The following SRPK2 variants were observed in gnomAD, a reference collection of about 807,000 sequenced individuals.
SRPK2 encodes SRSF protein kinase 2.
In SRPK2, 21 loss-of-function variants were observed where a neutral mutation model predicts 90.8. The ratio of observed to expected loss-of-function variants is 0.23; its 90% confidence interval spans 0.16 to 0.33. The LOEUF is 0.33. Among genes scored for constraint, SRPK2 ranks in the 10% least tolerant of loss-of-function variants. The pLI is 1.00. For synonymous variants in SRPK2, 288 were observed against 311.1 expected, an observed-to-expected ratio of 0.93 and a Z score of 0.78; for missense variants, 620 against 869.0, an observed-to-expected ratio of 0.71 and a Z score of 3.60.
chr7:105,315,506 C>T (rs1321790386), intron 2 of SRPK2, among the ~76,000 whole-genome samples: 4 of 152,144 alleles, frequency 2.6e-5, no homozygotes, highest in Non-Finnish European at 5.9e-5. Flanking sequence ...TGCACACTAA[C>T]GCTGTGTATT....
At chr7:105,316,085 C>A (rs149391243) in intron 2 of SRPK2, among the ~76,000 whole-genome samples, 1 of 144,186 alleles carries the variant, frequency 6.9e-6, no homozygotes, top group Non-Finnish European at 1.5e-5. Flanking sequence ...AGTGCAATGG[C>A]GCGATCTCGG....
intron 12 of SRPK2, 37 bp downstream of exon 12, chr7:105,132,967 T>A (rs749648789): frequency 6.2e-7 from 1 of 1,613,572 alleles, no homozygotes; most frequent in South Asian, 1.1e-5. Flanking sequence ...GCACACAGAA[T>A]CAAGACCAAA....
At chr7:105,385,497 G>C (rs1329550095) in intron 2 of SRPK2, among the ~76,000 whole-genome samples, 1 of 152,050 alleles carries the variant, frequency 6.6e-6, no homozygotes, top group Non-Finnish European at 1.5e-5. Flanking sequence ...TTTTAAACAG[G>C]AATCAGAACC....
intron 2 of SRPK2, among the ~76,000 whole-genome samples, chr7:105,385,198 T>TG (rs1554531343): frequency 0.3 from 23,954 of 79,254 alleles, 6,558 homozygotes; most frequent in Non-Finnish European, 0.47. Context: ...TTTTTTTTTT[T>TG]GAGATGGAGT....
intron 2 of SRPK2, among the ~76,000 whole-genome samples, chr7:105,351,717 TCG>T (rs1817207816): frequency 6.7e-6 from 1 of 149,532 alleles, no homozygotes; most frequent in Admixed American, 6.7e-5. Flanking sequence ...GGCAGCAAAA[TCG>T]CTTGAACCCG....
intron 2 of SRPK2, among the ~76,000 whole-genome samples, chr7:105,235,206 A>C (rs1799976624): frequency 6.6e-6 from 1 of 152,212 alleles, no homozygotes; most frequent in South Asian, 2.1e-4. Flanking sequence ...AAATTTTGTA[A>C]ACTTGTAGGA....
chr7:105,159,448 C>CAAAAAAAAAAAAAAAA (rs765544583), intron 7 of SRPK2, among the ~76,000 whole-genome samples: 338 of 33,106 alleles, frequency 0.01, 78 homozygotes, highest in Non-Finnish European at 0.016. Context: ...ACTCCGTCTC[C>CAAAAAAAAAAAAAAAA]AAAAAAAAAA....
intron 2 of SRPK2, among the ~76,000 whole-genome samples, chr7:105,349,174 G>C (rs917580949): frequency 6.8e-6 from 1 of 147,504 alleles, no homozygotes; most frequent in African/African-American, 2.5e-5. Context: ...GGGAGGGGAG[G>C]GGAGGGGAGG....
chr7:105,377,681 C>G (rs1360069981), intron 2 of SRPK2, among the ~76,000 whole-genome samples: 1 of 152,074 alleles, frequency 6.6e-6, no homozygotes, highest in Non-Finnish European at 1.5e-5. Context: ...GCCTGAGCAA[C>G]AGAGCAAGAC....
chr7:105,271,623 G>C (rs1805845143), intron 2 of SRPK2, among the ~76,000 whole-genome samples: 1 of 152,102 alleles, frequency 6.6e-6, no homozygotes, highest in Admixed American at 6.5e-5. Context: ...CATAATCGGG[G>C]GTACCTGGAT....
In SRPK2 at chr7:105,228,073, A is replaced by G. The variant is rs79052790; in HGVS notation, c.72-24288T>C. 2.8e-3 allele frequency among the ~76,000 whole-genome samples: 429 copies of G among 152,308 alleles called. 11 individuals are homozygous for G. In the East Asian group the frequency reaches 0.055, roughly 19 times the overall value. On this transcript the variant is annotated intron_variant, in intron 2 of 15. Coordinates refer to ENST00000393651, the MANE Select transcript of SRPK2 (RefSeq NM_182692.3). ...TTCTTTTTTTCTGAGACGAGGTCTC[A>G]CTCTGTTGCCCAGACTGGATTGCAG... is the stretch of plus-strand genomic sequence containing the variant.
intron 2 of SRPK2, among the ~76,000 whole-genome samples, chr7:105,379,335 T>C (rs1294605675): frequency 6.6e-6 from 1 of 152,088 alleles, no homozygotes; most frequent in Non-Finnish European, 1.5e-5. Context: ...TATATATTAT[T>C]AGTAATCCAG....
intron 7 of SRPK2, among the ~76,000 whole-genome samples, chr7:105,151,857 C>G (rs1330068667): frequency 1.3e-5 from 2 of 152,022 alleles, no homozygotes; most frequent in African/African-American, 2.4e-5. Context: ...AACCCCCTCT[C>G]TACTAAAAAT....
intron 11 of SRPK2, among the ~76,000 whole-genome samples, chr7:105,133,537 T>C (rs1802342747): frequency 6.6e-6 from 1 of 152,110 alleles, no homozygotes; most frequent in South Asian, 2.1e-4. Flanking sequence ...GGCCGATCAC[T>C]CTCAGTGACA....
intron 2 of SRPK2, among the ~76,000 whole-genome samples, chr7:105,377,916 C>T (rs1820499487): frequency 6.6e-6 from 1 of 152,098 alleles, no homozygotes; most frequent in African/African-American, 2.4e-5. Context: ...ACATCAGTCT[C>T]CTGAAGCCTC....
At chr7:105,336,801 T>A (rs1815143851) in intron 2 of SRPK2, among the ~76,000 whole-genome samples, 1 of 151,642 alleles carries the variant, frequency 6.6e-6, no homozygotes, top group South Asian at 2.1e-4. Context: ...ATGGATTGAG[T>A]TTCTGTTTTT....
intron 2 of SRPK2, among the ~76,000 whole-genome samples, chr7:105,361,235 GA>G (rs1440197926): frequency 6.6e-6 from 1 of 152,102 alleles, no homozygotes; most frequent in Admixed American, 6.6e-5. Context: ...TTGCTACAAA[GA>G]GAATACAATA....
chr7:105,298,022 G>C (rs1019379682), intron 2 of SRPK2, among the ~76,000 whole-genome samples: 1 of 152,158 alleles, frequency 6.6e-6, no homozygotes, highest in Non-Finnish European at 1.5e-5. Flanking sequence ...TGACAGGCGT[G>C]AGCCACCACG....
At chr7:105,118,267 C>G (rs144326898) in intron 15 of SRPK2, among the ~76,000 whole-genome samples, 1 of 152,188 alleles carries the variant, frequency 6.6e-6, no homozygotes, top group Non-Finnish European at 1.5e-5. Flanking sequence ...CACATTAGTT[C>G]TAAGCTTCTT....
Sources: allele counts gnomAD v4.1 joint callset (sites outside exome capture counted in the v4.1 genomes callset), GRCh38; gene constraint gnomAD v4.1.1; transcripts MANE v1.5; gene names NCBI Gene and HGNC (gene_info 2026-07-23, HGNC 2026-07-21).